CENPP: variants seen among roughly 807,000 people sequenced by gnomAD.
The protein encoded by CENPP is centromere protein P.
In CENPP, 24 loss-of-function variants were observed where a neutral mutation model predicts 35.6. That is an observed-to-expected ratio of 0.67 (90% CI 0.49 to 0.95). The LOEUF is 0.95. Ranked by LOEUF, CENPP falls within the 40% of genes least tolerant of loss-of-function variation. The pLI, the probability that CENPP is intolerant of heterozygous loss-of-function variation, is 0.00. For synonymous variants in CENPP, 120 were observed against 125.5 expected (o/e 0.96, Z 0.29); for missense variants, 332 against 345.3 (o/e 0.96, Z 0.31).
intron 5 of CENPP, among the ~76,000 whole-genome samples, chr9:92,594,790 A>G (rs1215718776): frequency 6.6e-6 from 1 of 152,028 alleles, no homozygotes; most frequent in Non-Finnish European, 1.5e-5. Flanking sequence ...CCCCATCTCT[A>G]CAAACATTTT....
chr9:92,438,981 T>G (rs545453477), intron 5 of CENPP, among the ~76,000 whole-genome samples: 28 of 152,346 alleles, frequency 1.8e-4, no homozygotes, highest in African/African-American at 6.0e-4. Flanking sequence ...AATAAACTGC[T>G]TCATTTGTTA....
intron 4 of CENPP, among the ~76,000 whole-genome samples, chr9:92,348,583 G>C (rs1483636079): frequency 6.6e-6 from 1 of 151,778 alleles, no homozygotes; most frequent in Non-Finnish European, 1.5e-5. Context: ...GTAGAGACGG[G>C]GTTTCACCAT....
rs745515573 is a variant in CENPP, at chr9:92,476,872, T to TG, written c.564+97019dup. Among the ~76,000 whole-genome samples, 4 of 152,144 alleles carry TG rather than the reference T, an allele frequency of 2.6e-5. No homozygotes were observed. Among genetic ancestry groups the TG allele is most frequent in the African/African-American group, 7.2e-5 (3 of 41,424 alleles). ...GTGCTGCCTTCTGCTCCAGCTCATG[T>TG]GGGGGGACTCAGTTGTTTTATCCAG... On this transcript the variant is annotated intron_variant, in intron 5 of 7. Coordinates refer to ENST00000375587, the MANE Select transcript of CENPP (RefSeq NM_001012267.3). This position sits in a 1 kb window ranked among gnomAD's most constrained non-coding sequence, Gnocchi z 4.1.
In CENPP at chr9:92,357,461, CATTATTATTATTATTATTATTATT is replaced by C. The variant is rs36222751; in HGVS notation, c.467+11699_467+11722del. Among the ~76,000 whole-genome samples, 13 of 143,474 alleles carry C rather than the reference CATTATTATTATTATTATTATTATT, an allele frequency of 9.1e-5. 1 individual carries two copies. Among genetic ancestry groups the C allele is most frequent in the Admixed American group, 6.3e-4 (9 of 14,192 alleles). The allele number at this position is 143,474 out of a possible 152,430, so 94.1% of individuals were successfully genotyped here. A position where few individuals can be genotyped will look rare whatever the true frequency, so the allele number is the denominator to read the frequency against. ...GCCACATCCCTTTGATCATCTCCCT[CATTATTATTATTATTATTATTATT>C]ATTATTATTATTATTATTATTATTT... On this transcript the variant is annotated intron_variant, in intron 4 of 7. Coordinates refer to ENST00000375587, the MANE Select transcript of CENPP (RefSeq NM_001012267.3).
chr9:92,451,623 G>A (rs74613507), intron 5 of CENPP, among the ~76,000 whole-genome samples: 151 of 150,654 alleles, frequency 1.0e-3, no homozygotes, highest in Admixed American at 1.3e-3. Context: ...AGTTTTTTCC[G>A]ATTCTGTGAA....
chr9:92,575,816 A>G (rs1850268947), intron 5 of CENPP, among the ~76,000 whole-genome samples: 1 of 152,142 alleles, frequency 6.6e-6, no homozygotes, highest in Non-Finnish European at 1.5e-5. Flanking sequence ...CATTTCAAAA[A>G]AAAAAAGAAT....
At chr9:92,509,873 A>G (rs1433515148) in intron 5 of CENPP, 1 of 1,589,616 alleles carries the variant, frequency 6.3e-7, no homozygotes. Context: ...AAGGAAGCAT[A>G]TCATTGAAAA....
chr9:92,341,050 A>T (rs1299889976), intron 3 of CENPP, among the ~76,000 whole-genome samples: 5 of 152,034 alleles, frequency 3.3e-5, no homozygotes, highest in Non-Finnish European at 7.4e-5. Context: ...GAGGTATAGG[A>T]TTATAAACAG....
intron 5 of CENPP, among the ~76,000 whole-genome samples, chr9:92,381,721 A>G (rs1002035211): frequency 5.9e-5 from 9 of 152,082 alleles, no homozygotes; most frequent in South Asian, 2.1e-4. Flanking sequence ...ACCTCTTTCA[A>G]TTCTTTTAAG....
At chr9:92,457,066 A>G in intron 5 of CENPP, 2 of 1,322,084 alleles carry the variant, frequency 1.5e-6, no homozygotes, top group Non-Finnish European at 1.9e-6. Flanking sequence ...TTGTACGCAA[A>G]AAGAAACTGC....
rs550751347 is a variant in CENPP, at chr9:92,614,721, G to A, written c.*1572G>A. 1.3e-5 allele frequency: 2 copies of A among 152,656 alleles called. No homozygotes were observed. The highest frequency in any genetic ancestry group is 4.8e-5 in the African/African-American group (2 of 41,500). 9.5% of individuals were successfully genotyped at this position (152,656 alleles called of 1,614,324 possible). A position where few individuals can be genotyped will look rare whatever the true frequency, so the allele number is the denominator to read the frequency against. The stretch of plus-strand genomic sequence containing the variant: ...TAAGCCTCCATTAGTCCCTCAAAAC[G>A]ATGATATAAATAAGTCTGTACAACC... On this transcript the variant is annotated 3_prime_UTR_variant, in exon 8 of 8. Transcript: ENST00000375587.
intron 6 of CENPP, among the ~76,000 whole-genome samples, chr9:92,611,671 T>C (rs1263562180): frequency 1.3e-5 from 2 of 152,040 alleles, no homozygotes; most frequent in Non-Finnish European, 2.9e-5. Context: ...AAAGTGGAGA[T>C]GCTTGTGGAT....
chr9:92,575,202 A>T (rs1850250829), intron 5 of CENPP, among the ~76,000 whole-genome samples: 1 of 152,262 alleles, frequency 6.6e-6, no homozygotes, highest in Non-Finnish European at 1.5e-5. Flanking sequence ...GAGAAGAGAC[A>T]GATTGGACTT....
intron 5 of CENPP, among the ~76,000 whole-genome samples, chr9:92,463,652 T>A (rs1845196830): frequency 6.6e-6 from 1 of 152,210 alleles, no homozygotes; most frequent in South Asian, 2.1e-4. Flanking sequence ...CACTCTCCTT[T>A]ACTGGATGTT....
At chr9:92,561,248 A>G (rs143808019) in intron 5 of CENPP, among the ~76,000 whole-genome samples, 2 of 152,292 alleles carry the variant, frequency 1.3e-5, no homozygotes, top group African/African-American at 2.4e-5. Flanking sequence ...GCCTCAGCAC[A>G]TCTATAAGAA....
chr9:92,497,153 A>G (rs187422149), intron 5 of CENPP, among the ~76,000 whole-genome samples: 1 of 152,312 alleles, frequency 6.6e-6, no homozygotes, highest in Admixed American at 6.5e-5. Context: ...AAACAAAATG[A>G]CATTTATACA....
chr9:92,466,911 C>A (rs2131061924), intron 5 of CENPP, among the ~76,000 whole-genome samples: 1 of 152,280 alleles, frequency 6.6e-6, no homozygotes. Context: ...TTATCTTTAT[C>A]TTATCTTAAA....
intron 4 of CENPP, among the ~76,000 whole-genome samples, chr9:92,376,888 C>G (rs1276196237): frequency 6.6e-6 from 1 of 151,714 alleles, no homozygotes; most frequent in African/African-American, 2.4e-5. Flanking sequence ...TAAAAATACA[C>G]AAAAAAATTA....
At chr9:92,599,435 G>C (rs1850856462) in intron 5 of CENPP, among the ~76,000 whole-genome samples, 3 of 151,942 alleles carry the variant, frequency 2.0e-5, no homozygotes, top group South Asian at 2.1e-4. Context: ...GTTTTTGTTT[G>C]AGACAGAGTA....
Sources: gnomAD v4.1 joint callset for allele counts (sites outside exome capture counted in the v4.1 genomes callset) on GRCh38, gnomAD v4.1.1 for gene constraint, Gnocchi (gnomAD v3.1) non-coding constraint, MANE v1.5 for transcripts, NCBI Gene and HGNC (gene_info 2026-07-23, HGNC 2026-07-21) for gene names.